NPAS4: variants seen among roughly 807,000 people sequenced by gnomAD.
NPAS4 encodes the protein neuronal PAS domain-containing protein 4.
A neutral mutation model predicts 64.0 loss-of-function variants in NPAS4; 10 were observed. The ratio of observed to expected loss-of-function variants is 0.16; its 90% CI spans 0.10 to 0.26. The LOEUF (loss-of-function observed/expected upper bound fraction) is 0.26, where lower values mean the gene tolerates loss of function less well. Among genes scored for constraint, NPAS4 ranks in the 10% least tolerant of loss-of-function variants. The pLI is 1.00. For missense variants in NPAS4, 886 were observed against 992.6 expected (o/e 0.89, Z 1.44); for synonymous variants, 441 against 411.7 (o/e 1.07, Z -0.86).
Position 66,421,061 on chromosome 11 carries a change from G to A in NPAS4, c.-119G>A. The stretch of plus-strand genomic sequence containing the variant: ...GGCAGCGCAGCCGAGCGGAGCCCAG[G>A]AGAGCAGAGAGCGAGCCTGAGCGAG... On this transcript the variant is annotated 5_prime_UTR_variant, in exon 1 of 8. Coordinates refer to ENST00000311034, the MANE Select transcript of NPAS4 (RefSeq NM_178864.4). 1 of 853,458 alleles carries A rather than the reference G, an allele frequency of 1.2e-6. No individual in the cohort carries two copies. Among genetic ancestry groups the A allele is most frequent in the South Asian group, 1.7e-5 (1 of 58,848 alleles). The allele number at this position is 853,458 out of a possible 1,614,324, so 52.9% of individuals were successfully genotyped here. A position where few individuals can be genotyped will look rare whatever the true frequency, so the allele number is the denominator to read the frequency against.
At chr11:66,422,345 T>G in intron 2 of NPAS4, 74 bp downstream of exon 2, 1 of 1,531,758 alleles carries the variant, frequency 6.5e-7, no homozygotes, top group Non-Finnish European at 9.0e-7. Context: ...CCTGAGGAAC[T>G]GGGAATTACT....
upstream of NPAS4, among the ~76,000 whole-genome samples, chr11:66,416,344 C>A (rs1028257227): frequency 2.0e-5 from 3 of 152,114 alleles, no homozygotes; most frequent in African/African-American, 7.2e-5. Flanking sequence ...CCCAAGTGAC[C>A]CCATTTCTGT....
At chr11:66,423,066 G>A in intron 4 of NPAS4, 57 bp from the exon 5 acceptor site, 2 of 1,491,550 alleles carry the variant, frequency 1.3e-6, no homozygotes, top group Non-Finnish European at 1.8e-6. Flanking sequence ...GGAGTGAGAT[G>A]CATGGGTATC....
At chr11:66,409,787 C>A in the NPAS4 span, 1 of 152,542 alleles carries the variant, frequency 6.6e-6, no homozygotes, top group Non-Finnish European at 1.5e-5. Flanking sequence ...GTGCCAGTAT[C>A]CAGCCCCTGC....
the NPAS4 span, among the ~76,000 whole-genome samples, chr11:66,415,239 G>A: frequency 6.6e-6 from 1 of 152,184 alleles, no homozygotes; most frequent in Non-Finnish European, 1.5e-5. Flanking sequence ...CACAAAAGGG[G>A]CTGGAAACCA....
chr11:66,424,298 T>C lies in NPAS4; in HGVS notation c.1408T>C (p.Leu470=). 1 of 1,614,154 alleles carries C rather than the reference T, an allele frequency of 6.2e-7. No homozygotes were observed. The change falls in exon 7 of 8, where the codon TTG becomes CTG. Residue 470 remains leucine (L), a synonymous_variant. Transcript: ENST00000311034. ...AAGCACTGCGACCTTCTCTGATCAG[T>C]TGACGCCCAGCAGTGCAACCTTCCC... is the stretch of plus-strand genomic sequence containing the variant. ...TPSTATFSDQ[L]TPSSATFPDP...
At chr11:66,416,669 G>A (rs2282529), upstream of NPAS4, 44,145 of 152,140 alleles carry the variant, frequency 0.29, 8,104 homozygotes, top group Non-Finnish European at 0.42. Flanking sequence ...GACCACTACT[G>A]CAAGCTTGCA....
chr11:66,423,225 C>A lies in NPAS4; in HGVS notation c.801C>A (p.Tyr267Ter). 1 of 1,597,378 alleles carries A rather than the reference C, an allele frequency of 6.3e-7. No homozygotes were observed. The highest frequency in any genetic ancestry group is 8.6e-7 in the Non-Finnish European group (1 of 1,167,834). ...TGGCCCACGCTTCTGCTCAACACTA[C>A]CGCCTGTGTGAGTGTCCAGAGAGGC... The part of the protein sequence containing the change: ...EDLAHASAQH[Y>*]RLLAESGDIQ... The change falls in exon 5 of 8, where the codon TAC becomes TAA. Residue 267 changes from tyrosine to a stop codon, truncating the protein, a stop_gained. Transcript: ENST00000311034. LOFTEE classifies it high-confidence loss of function.
chr11:66,410,681 C>T, the NPAS4 span: 1 of 152,372 alleles, frequency 6.6e-6, no homozygotes. Flanking sequence ...CCGTGTGTCA[C>T]TGGGGTCACT....
the NPAS4 span, among the ~76,000 whole-genome samples, chr11:66,415,338 G>A: frequency 6.6e-6 from 1 of 152,214 alleles, no homozygotes. Context: ...GAACAGTAAA[G>A]GGGGCTGAAA....
At chr11:66,423,438 G>C in intron 5 of NPAS4, 140 bp from the exon 6 acceptor site, 1 of 1,012,540 alleles carries the variant, frequency 9.9e-7, no homozygotes, top group Non-Finnish European at 1.5e-6. Context: ...GGTCAAGGTA[G>C]AGAGCTGAGT....
intron 5 of NPAS4, 37 bp from the exon 6 acceptor site, chr11:66,423,541 G>T: frequency 6.2e-7 from 1 of 1,612,058 alleles, no homozygotes; most frequent in Non-Finnish European, 8.5e-7. Context: ...AGAATTGCCT[G>T]GTGGACATCC....
Position 66,421,143 on chromosome 11 carries a change from C to T in NPAS4, c.-37C>T. The T allele has an allele frequency of 2.6e-6, 4 of 1,556,758 alleles. No individual in the cohort carries two copies. The highest frequency in any genetic ancestry group is 3.5e-6 in the Non-Finnish European group (4 of 1,149,054). ...GTGCGTCGGGACGGGAGCGCAGGTG[C>T]TCGGGCACCCGAGCTGGAGCTCCGC... is the stretch of plus-strand genomic sequence containing the variant. On this transcript the variant is annotated 5_prime_UTR_variant, in exon 1 of 8. Coordinates refer to ENST00000311034, the MANE Select transcript of NPAS4 (RefSeq NM_178864.4).
Position 66,421,172 on chromosome 11 carries a change from C to T in NPAS4, c.-8C>T. On this transcript the variant is annotated 5_prime_UTR_variant, in exon 1 of 8. Coordinates refer to ENST00000311034, the MANE Select transcript of NPAS4 (RefSeq NM_178864.4). ...GGCACCCGAGCTGGAGCTCCGCAGC[C>T]GCCGGTCATGTACCGCTCCACCAAG... The T allele has an allele frequency of 6.3e-7, 1 of 1,591,022 alleles. No homozygotes were observed. Among genetic ancestry groups the T allele is most frequent in the Non-Finnish European group, 8.6e-7 (1 of 1,167,558 alleles).
chr11:66,420,936 T>C (rs1856730997), upstream of NPAS4: 1 of 461,322 alleles, frequency 2.2e-6, no homozygotes, highest in Non-Finnish European at 3.9e-6. Flanking sequence ...CCGCTGCAGC[T>C]TGCTTAGCCC....
upstream of NPAS4, among the ~76,000 whole-genome samples, chr11:66,420,104 G>A (rs918228489): frequency 1.3e-5 from 2 of 152,236 alleles, no homozygotes; most frequent in African/African-American, 2.4e-5. Context: ...ACAGAGGCTG[G>A]CAGCAGGGCG....
At position 66,426,033 on chromosome 11, in the gene NPAS4, C is replaced by G. The variant is rs750159201; in HGVS notation, c.*44C>G. On this transcript the variant is annotated 3_prime_UTR_variant, in exon 8 of 8. Coordinates refer to ENST00000311034, the MANE Select transcript of NPAS4 (RefSeq NM_178864.4). ...GTCGTCAAGTATGGCATATTGTCAT[C>G]AAGACGTGGAGCCGCTCTCCACCCC... 6.6e-7 allele frequency: 1 copy of G among 1,510,590 alleles called. No homozygotes were observed. Among genetic ancestry groups the G allele is most frequent in the Non-Finnish European group, 9.2e-7 (1 of 1,090,266 alleles). The allele number at this position is 1,510,590 out of a possible 1,614,324, so 93.6% of individuals were successfully genotyped here.
the NPAS4 span, among the ~76,000 whole-genome samples, chr11:66,415,372 T>C: frequency 6.6e-6 from 1 of 152,210 alleles, no homozygotes; most frequent in African/African-American, 2.4e-5. Context: ...TACCCTGGGT[T>C]AAGAGAGCTT....
chr11:66,412,082 A>G, the NPAS4 span, among the ~76,000 whole-genome samples: 29 of 152,356 alleles, frequency 1.9e-4, no homozygotes, highest in African/African-American at 5.5e-4. Context: ...CTGGAGGCTG[A>G]GGTATCTGTT....
Sources: allele counts gnomAD v4.1 joint callset (sites outside exome capture counted in the v4.1 genomes callset), GRCh38; gene constraint gnomAD v4.1.1; transcripts MANE v1.5; gene names NCBI Gene and HGNC (gene_info 2026-07-23, HGNC 2026-07-21).